Variants in PTPRK observed in about 807,000 individuals in gnomAD.
PTPRK encodes the protein receptor-type tyrosine-protein phosphatase kappa.
A neutral mutation model predicts 178.0 loss-of-function variants in PTPRK; 75 were observed. The observed-to-expected ratio is 0.42, with a 90% confidence interval of 0.35 to 0.51. PTPRK has a LOEUF of 0.51. Ranked by LOEUF, PTPRK falls within the 20% of genes least tolerant of loss-of-function variation. The pLI is 0.02. For synonymous variants in PTPRK, 637 were observed against 620.6 expected, an observed-to-expected ratio of 1.03 and a Z score of -0.39; for missense variants, 1,441 against 1,797.8, an observed-to-expected ratio of 0.80 and a Z score of 3.59.
At chr6:128,365,267 C>A (rs1452002653) in intron 2 of PTPRK, among the ~76,000 whole-genome samples, 2 of 151,978 alleles carry the variant, frequency 1.3e-5, no homozygotes, top group East Asian at 3.9e-4. Flanking sequence ...ATTCAATTTT[C>A]CTAGCAATCT....
At chr6:128,292,817 A>G (rs911160016) in intron 3 of PTPRK, among the ~76,000 whole-genome samples, 3 of 152,208 alleles carry the variant, frequency 2.0e-5, no homozygotes, top group Middle Eastern at 3.4e-3. Context: ...AATTATTTTC[A>G]CCCCATACAA....
At chr6:128,387,279 T>A (rs1221844529) in intron 2 of PTPRK, among the ~76,000 whole-genome samples, 1 of 152,182 alleles carries the variant, frequency 6.6e-6, no homozygotes, top group Non-Finnish European at 1.5e-5. Context: ...TCTGAGTCAC[T>A]AATTACCACT....
At chr6:128,220,443 C>T (rs1379007912) in intron 5 of PTPRK, among the ~76,000 whole-genome samples, 1 of 152,214 alleles carries the variant, frequency 6.6e-6, no homozygotes, top group Non-Finnish European at 1.5e-5. Flanking sequence ...TCCACAACCT[C>T]ATTTCTTGTT....
intron 2 of PTPRK, among the ~76,000 whole-genome samples, chr6:128,325,011 C>T (rs575208675): frequency 1.3e-5 from 2 of 152,198 alleles, no homozygotes; most frequent in South Asian, 4.2e-4. Context: ...GTTCTGTTAC[C>T]AGCTAACTAA....
rs755126623 is a variant in PTPRK at position 127,998,905 on chromosome 6, C to G, written c.2495-1G>C. The G allele has an allele frequency of 1.3e-6, 2 of 1,511,434 alleles. No homozygotes were observed. The highest frequency in any genetic ancestry group is 1.8e-6 in the Non-Finnish European group (2 of 1,123,780). 93.6% of individuals were successfully genotyped at this position (1,511,434 alleles called of 1,614,324 possible). A position where few individuals can be genotyped will look rare whatever the true frequency, so the allele number is the denominator to read the frequency against. Reference sequence around the variant, plus strand: ...TCTGCTGTAGCACTGTGGTTCTCATCTGGCATTTTTCAGATTTCAGAAGAT... The same window carrying G: ...TCTGCTGTAGCACTGTGGTTCTCATGTGGCATTTTTCAGATTTCAGAAGAT... On this transcript the variant is annotated splice_acceptor_variant, in intron 15 of 29. Transcript: ENST00000368226. LOFTEE classifies it high-confidence loss of function.
intron 8 of PTPRK, among the ~76,000 whole-genome samples, 191 bp from the exon 9 acceptor site, chr6:128,084,015 G>T (rs1360039729): frequency 6.6e-6 from 1 of 152,118 alleles, no homozygotes; most frequent in African/African-American, 2.4e-5. Context: ...TTTAAAGCAA[G>T]TCTATAAGGT....
intron 1 of PTPRK, among the ~76,000 whole-genome samples, chr6:128,510,954 A>C (rs1857088471): frequency 6.6e-6 from 1 of 152,120 alleles, no homozygotes. Context: ...AGTTCTTCCT[A>C]CCTGTATGAC....
At chr6:128,306,069 A>T (rs1450730908) in intron 3 of PTPRK, among the ~76,000 whole-genome samples, 1 of 152,162 alleles carries the variant, frequency 6.6e-6, no homozygotes, top group African/African-American at 2.4e-5. Context: ...TCACAAGAAC[A>T]GCGTGGGGGA....
chr6:128,034,616 G>C (rs1775905149), intron 13 of PTPRK, among the ~76,000 whole-genome samples: 1 of 152,162 alleles, frequency 6.6e-6, no homozygotes, highest in African/African-American at 2.4e-5. Flanking sequence ...GATTTATTAA[G>C]TAGGCCATCA....
chr6:128,144,671 C>T (rs772649544), intron 7 of PTPRK, among the ~76,000 whole-genome samples: 13 of 152,190 alleles, frequency 8.5e-5, no homozygotes, highest in East Asian at 1.9e-4. Context: ...TTGTGTAGTG[C>T]TTGTTCTCCA....
At position 127,970,246 on chromosome 6, in the gene PTPRK, T is replaced by G; in HGVS notation, c.4304A>C (p.Glu1435Ala). ...QYRFCYDVAL[E>A]YLESS Reference sequence around the variant, plus strand: ...ACCCAACTAAGATGATTCCAGGTACTCCAAAGCTACATCATAGCAGAAACG... The same window carrying G: ...ACCCAACTAAGATGATTCCAGGTACGCCAAAGCTACATCATAGCAGAAACG... Residue 1435 changes from glutamate to alanine, a missense_variant, in exon 30 of 30, where the codon GAG becomes GCG. By Grantham distance (107) the Glu-to-Ala change is moderately radical. This residue lies in a region of PTPRK where 335 missense variants were observed against 512.4 expected (regional missense o/e 0.65). Coordinates refer to ENST00000368226, the MANE Select transcript of PTPRK (RefSeq NM_002844.4). The G allele has an allele frequency of 6.2e-7, 1 of 1,610,694 alleles. No homozygotes were observed. The highest frequency in any genetic ancestry group is 1.1e-5 in the South Asian group (1 of 90,710).
intron 3 of PTPRK, among the ~76,000 whole-genome samples, chr6:128,263,856 T>A (rs1464641806): frequency 6.6e-6 from 1 of 152,054 alleles, no homozygotes; most frequent in Non-Finnish European, 1.5e-5. Flanking sequence ...CTTGTAGAGG[T>A]GGCACTGGGA....
chr6:128,092,698 A>G (rs1299761433), intron 7 of PTPRK, among the ~76,000 whole-genome samples: 1 of 152,216 alleles, frequency 6.6e-6, no homozygotes, highest in Admixed American at 6.5e-5. Context: ...ATTTATAAAC[A>G]GCAGTGATTT....
chr6:128,228,854 A>G (rs1332906978), intron 5 of PTPRK, among the ~76,000 whole-genome samples: 1 of 152,194 alleles, frequency 6.6e-6, no homozygotes, highest in East Asian at 1.9e-4. Context: ...AGGTACAGAC[A>G]GACACCAAGG....
chr6:127,985,396 T>C (rs1388320575), intron 22 of PTPRK, among the ~76,000 whole-genome samples: 1 of 152,232 alleles, frequency 6.6e-6, no homozygotes, highest in Non-Finnish European at 1.5e-5. Context: ...GAAATGTCTA[T>C]TTCAACCTAG....
chr6:128,430,423 C>G (rs73589579), intron 1 of PTPRK, among the ~76,000 whole-genome samples: 2,070 of 152,260 alleles, frequency 0.014, 45 homozygotes, highest in African/African-American at 0.047. Flanking sequence ...CCCAAGTCAT[C>G]TTTTGAAGTC....
At chr6:128,016,138 C>G (rs995125398) in intron 13 of PTPRK, among the ~76,000 whole-genome samples, 1 of 151,654 alleles carries the variant, frequency 6.6e-6, no homozygotes, top group African/African-American at 2.4e-5. Context: ...AAGTTCATGG[C>G]TAGGACCCCT....
intron 13 of PTPRK, among the ~76,000 whole-genome samples, chr6:128,044,650 T>C (rs1383225240): frequency 2.8e-4 from 1 of 3,564 alleles, no homozygotes; most frequent in East Asian, 0.25. Context: ...ACAGGCTAAT[T>C]TTTTTTTTTC....
chr6:128,303,014 C>CA (rs1562246428), intron 3 of PTPRK, among the ~76,000 whole-genome samples: 1 of 151,936 alleles, frequency 6.6e-6, no homozygotes, highest in South Asian at 2.1e-4. Flanking sequence ...ACTTATGTAT[C>CA]AAAAAATGGC....
Sources: allele counts gnomAD v4.1 joint callset (sites outside exome capture counted in the v4.1 genomes callset), GRCh38; gene constraint gnomAD v4.1.1; regional missense constraint gnomAD v4.1.1; transcripts MANE v1.5; gene names NCBI Gene and HGNC (gene_info 2026-07-23, HGNC 2026-07-21).